SETD3: variants seen among roughly 807,000 people sequenced by gnomAD.
The protein encoded by SETD3 is SET domain containing 3, actin N3(tau)-histidine methyltransferase.
SETD3 carries 19 observed loss-of-function variants against 63.0 expected under a neutral mutation model. That is an observed-to-expected ratio of 0.30 (90% CI 0.21 to 0.44). The LOEUF is 0.44. SETD3 is among the 20% of genes least tolerant of loss of function. The pLI, the probability that SETD3 is intolerant of heterozygous loss-of-function variation, is 1.00. For missense variants in SETD3, 587 were observed against 728.5 expected (o/e 0.81, Z 2.24); for synonymous variants, 286 against 264.1 (o/e 1.08, Z -0.80).
chr14:99,451,705 C>T (rs1894473678), intron 6 of SETD3, among the ~76,000 whole-genome samples: 1 of 151,938 alleles, frequency 6.6e-6, no homozygotes, highest in Admixed American at 6.6e-5. Context: ...CAGGATTTTG[C>T]CATGTTGCCC....
At chr14:99,413,599 C>T (rs962926651) in intron 7 of SETD3, among the ~76,000 whole-genome samples, 2 of 152,176 alleles carry the variant, frequency 1.3e-5, no homozygotes, top group African/African-American at 4.8e-5. Context: ...AAAGAAAAAT[C>T]CATAGGACCA....
chr14:99,433,229 C>T (rs1893280060), intron 6 of SETD3, among the ~76,000 whole-genome samples: 2 of 151,968 alleles, frequency 1.3e-5, no homozygotes, highest in African/African-American at 4.8e-5. Context: ...CAATAAATGA[C>T]ACTAGTATAC....
chr14:99,431,893 A>C (rs1299477139), intron 6 of SETD3, among the ~76,000 whole-genome samples: 1 of 152,174 alleles, frequency 6.6e-6, no homozygotes, highest in Non-Finnish European at 1.5e-5. Flanking sequence ...CCACTCTACC[A>C]CCACAAATTC....
At chr14:99,429,326 T>C (rs1254631915) in intron 6 of SETD3, among the ~76,000 whole-genome samples, 1 of 152,084 alleles carries the variant, frequency 6.6e-6, no homozygotes, top group Non-Finnish European at 1.5e-5. Flanking sequence ...GGCAAGTAAG[T>C]GACAGAACAC....
In SETD3 at chr14:99,437,998, C is replaced by G. The variant is rs144156833; in HGVS notation, c.675+20281G>C. Among the ~76,000 whole-genome samples, 876 of 152,284 alleles carry G rather than the reference C, an allele frequency of 5.8e-3. 9 individuals carry two copies. The highest frequency in any genetic ancestry group is 0.02 in the African/African-American group (843 of 41,558). ...ACAGCCACTAATTCACTTTAAAGAC[C>G]ACACAAGAACAAGGACTTCAAAGCC... On this transcript the variant is annotated intron_variant, in intron 6 of 12. Coordinates refer to ENST00000331768, the MANE Select transcript of SETD3 (RefSeq NM_032233.3).
intron 3 of SETD3, 95 bp downstream of exon 3, chr14:99,463,391 A>G (rs1895184434): frequency 1.1e-6 from 1 of 888,144 alleles, no homozygotes; most frequent in Non-Finnish European, 1.8e-6. Flanking sequence ...AGTGACACCA[A>G]TGATGCTGAG....
intron 6 of SETD3, among the ~76,000 whole-genome samples, chr14:99,455,274 C>T (rs1480042618): frequency 3.3e-5 from 5 of 152,190 alleles, no homozygotes; most frequent in East Asian, 1.9e-4. Context: ...CCAGCTAACA[C>T]GGAGAACTGA....
intron 6 of SETD3, among the ~76,000 whole-genome samples, chr14:99,419,354 T>C (rs1381335782): frequency 6.6e-6 from 1 of 152,236 alleles, no homozygotes; most frequent in African/African-American, 2.4e-5. Flanking sequence ...AATAACATTG[T>C]TCAATAAATT....
rs1895339119 is a variant in SETD3 at position 99,465,813 on chromosome 14, A to C, written c.-8T>G. The C allele has an allele frequency of 6.2e-7, 1 of 1,604,154 alleles. No individual in the cohort carries two copies. The highest frequency in any genetic ancestry group is 8.5e-7 in the Non-Finnish European group (1 of 1,172,866). ...TCGACTCTTCTTACCCATTTTTCTG[A>C]CTACAGAGAAGAGAAAGAAAAGAGA... On this transcript the variant is annotated splice_region_variant and 5_prime_UTR_variant, in exon 2 of 13. Transcript: ENST00000331768.
chr14:99,466,228 A>G (rs1895364158), intron 1 of SETD3, among the ~76,000 whole-genome samples: 3 of 152,218 alleles, frequency 2.0e-5, no homozygotes, highest in African/African-American at 7.2e-5. Flanking sequence ...ATCATTTCCC[A>G]TTAACCATAA....
chr14:99,422,353 AATCATTAAACCACTAT>A lies in SETD3; in HGVS notation c.676-8435_676-8420del, dbSNP rs1176038044. Among the ~76,000 whole-genome samples, 9 of 152,366 alleles carry A rather than the reference AATCATTAAACCACTAT, an allele frequency of 5.9e-5. No individual in the cohort carries two copies. In the East Asian group the frequency reaches 1.7e-3, roughly 29 times the overall value. ...CTCAAAGACACCCCACAGCTTTGCC[AATCATTAAACCACTAT>A]ATCAAGTTATTATACTAGCATTATC... On this transcript the variant is annotated intron_variant, in intron 6 of 12. Coordinates refer to ENST00000331768, the MANE Select transcript of SETD3 (RefSeq NM_032233.3).
chr14:99,450,840 G>A (rs562381802), intron 6 of SETD3, among the ~76,000 whole-genome samples: 5 of 152,276 alleles, frequency 3.3e-5, no homozygotes, highest in South Asian at 2.1e-4. Flanking sequence ...TCTCTATTCC[G>A]TTAAACCCTG....
Position 99,409,129 on chromosome 14 carries a change from T to C in SETD3, c.850-2539A>G, listed in dbSNP as rs992703656. Among the ~76,000 whole-genome samples, 7 of 152,084 alleles carry C rather than the reference T, an allele frequency of 4.6e-5. No individual in the cohort carries two copies. The East Asian group carries it at 1.3e-3, about 29-fold the overall frequency. ...GCAAGGACAGGGTCCTTCCACCTCC[T>C]CCTCGCCCAGCTCCACGTGCCGCTT... On this transcript the variant is annotated intron_variant, in intron 8 of 12. Transcript: ENST00000331768.
At chr14:99,412,793 T>C in intron 8 of SETD3, 158 bp downstream of exon 8, 1 of 592,096 alleles carries the variant, frequency 1.7e-6, no homozygotes, top group Non-Finnish European at 3.1e-6. Flanking sequence ...CTTCTATCTG[T>C]GGGCGGTGGG....
intron 6 of SETD3, among the ~76,000 whole-genome samples, chr14:99,429,820 A>C (rs1227207707): frequency 6.6e-6 from 1 of 152,236 alleles, no homozygotes; most frequent in Non-Finnish European, 1.5e-5. Flanking sequence ...TACTTATGAA[A>C]ATCAAGTAAT....
At chr14:99,399,272 GA>G (rs1167112336) in intron 12 of SETD3, 147 bp from the exon 13 acceptor site, 3 of 626,472 alleles carry the variant, frequency 4.8e-6, no homozygotes, top group Non-Finnish European at 8.4e-6. Context: ...GTGGTCGCAT[GA>G]CCAGACACTC....
chr14:99,480,641 G>A (rs1233191539), intron 1 of SETD3, 87 bp downstream of exon 1: 1 of 150,712 alleles, frequency 6.6e-6, no homozygotes, highest in Non-Finnish European at 1.5e-5. Context: ...GCTGGCCAGG[G>A]CGAGGGACGG....
At chr14:99,471,567 C>T (rs1420131022) in intron 1 of SETD3, among the ~76,000 whole-genome samples, 1 of 152,146 alleles carries the variant, frequency 6.6e-6, no homozygotes, top group Non-Finnish European at 1.5e-5. Flanking sequence ...CCCAGGAGTT[C>T]GAGGCTGCAG....
At chr14:99,478,168 T>C (rs1184528957) in intron 1 of SETD3, among the ~76,000 whole-genome samples, 1 of 152,142 alleles carries the variant, frequency 6.6e-6, no homozygotes, top group East Asian at 1.9e-4. Context: ...AAAGCAAATA[T>C]TATAACTGGC....
Sources: allele counts gnomAD v4.1 joint callset (sites outside exome capture counted in the v4.1 genomes callset), GRCh38; gene constraint gnomAD v4.1.1; transcripts MANE v1.5; gene names NCBI Gene and HGNC (gene_info 2026-07-23, HGNC 2026-07-21).